The following USP34 variants were observed in gnomAD, a reference collection of about 807,000 sequenced individuals.
USP34 encodes ubiquitin carboxyl-terminal hydrolase 34.
A neutral mutation model predicts 460.3 loss-of-function variants in USP34; 70 were observed. That is an observed-to-expected ratio of 0.15 (90% CI 0.13 to 0.19). The LOEUF is 0.19. Among genes scored for constraint, USP34 ranks in the 10% least tolerant of loss-of-function variants. The pLI is 1.00. For missense variants in USP34, 3,985 were observed against 4,236.2 expected (o/e 0.94, Z 1.65); for synonymous variants, 1,647 against 1,405.3 (o/e 1.17, Z -3.85).
At chr2:61,205,302 T>C (rs895770027) in intron 72 of USP34, among the ~76,000 whole-genome samples, 2 of 152,200 alleles carry the variant, frequency 1.3e-5, no homozygotes, top group African/African-American at 4.8e-5. Flanking sequence ...ATTCTCAATC[T>C]CCAATCACAC....
intron 21 of USP34, among the ~76,000 whole-genome samples, chr2:61,323,276 C>T (rs905519968): frequency 3.9e-5 from 6 of 152,240 alleles, no homozygotes; most frequent in African/African-American, 1.2e-4. Flanking sequence ...CTTTGGGAGG[C>T]CGAGGCGGGC....
In USP34 at chr2:61,189,074, A is replaced by G; in HGVS notation, c.9874-5T>C. The G allele has an allele frequency of 6.2e-7, 1 of 1,608,450 alleles. No homozygotes were observed. The highest frequency in any genetic ancestry group is 8.5e-7 in the Non-Finnish European group (1 of 1,178,208). On this transcript the variant is annotated splice_polypyrimidine_tract_variant and splice_region_variant and intron_variant, in intron 78 of 79. Coordinates refer to ENST00000398571, the MANE Select transcript of USP34 (RefSeq NM_014709.4). Reference sequence around the variant, plus strand: ...CAAAGCGAGTGCCCTCAGGTCCTACAAAAACCCAGATAGGAACATTTCAAA... The same window carrying G: ...CAAAGCGAGTGCCCTCAGGTCCTACGAAAACCCAGATAGGAACATTTCAAA...
intron 1 of USP34, among the ~76,000 whole-genome samples, chr2:61,444,448 AAG>A (rs1695052682): frequency 6.6e-6 from 1 of 152,168 alleles, no homozygotes; most frequent in Non-Finnish European, 1.5e-5. Context: ...AAGAAAGCAA[AAG>A]AGAGAAGGAA....
chr2:61,302,994 C>T (rs1005507989), intron 27 of USP34, among the ~76,000 whole-genome samples: 2 of 152,148 alleles, frequency 1.3e-5, no homozygotes, highest in Admixed American at 6.5e-5. Flanking sequence ...CAGAGACATG[C>T]TATTTCAATT....
At chr2:61,302,506 A>C (rs115433106) in intron 27 of USP34, among the ~76,000 whole-genome samples, 2,357 of 152,316 alleles carry the variant, frequency 0.015, 20 homozygotes, top group Non-Finnish European at 0.022. Context: ...CATTATTTCT[A>C]GCCCTCAATC....
chr2:61,284,902 G>T lies in USP34; in HGVS notation c.4805C>A (p.Ala1602Asp). The change falls in exon 35 of 80, where the codon GCT (alanine) becomes GAT (aspartate). Residue 1602 changes from alanine to aspartate, a missense_variant. Around this residue, in one of 14 missense-constraint regions of USP34, gnomAD observed 1,114 missense variants for 1,122.5 expected, o/e 0.99. Coordinates refer to ENST00000398571, the MANE Select transcript of USP34 (RefSeq NM_014709.4). Reference sequence around the variant, plus strand: ...AGGAGCCAGATTATCATACGTATAAGCAACAGACATAAGTCGCTGAATCAA... The same window carrying T: ...AGGAGCCAGATTATCATACGTATAATCAACAGACATAAGTCGCTGAATCAA... ...TSLIQRLMSVAYTYDNLAPRV... is the reference protein window; with the variant it reads ...TSLIQRLMSVDYTYDNLAPRV... 6.2e-7 allele frequency: 1 copy of T among 1,610,944 alleles called. No homozygotes were observed. The highest frequency in any genetic ancestry group is 1.3e-5 in the African/African-American group (1 of 74,908).
intron 65 of USP34, chr2:61,221,932 A>C (rs1270617414): frequency 5.5e-6 from 1 of 182,136 alleles, no homozygotes; most frequent in Non-Finnish European, 1.1e-5. Flanking sequence ...ACATTGTAGA[A>C]TGGCGAAATC....
At position 61,348,833 on chromosome 2, in the gene USP34, C is replaced by T; in HGVS notation, c.1597G>A (p.Gly533Arg). 6.2e-7 allele frequency: 1 copy of T among 1,613,832 alleles called. No individual in the cohort carries two copies. The highest frequency in any genetic ancestry group is 8.5e-7 in the Non-Finnish European group (1 of 1,179,854). The change falls in exon 14 of 80, where the codon GGA becomes AGA. Residue 533 changes from glycine to arginine, a missense_variant. Physicochemically the swap from Gly to Arg is moderately radical, Grantham distance 125. Around this residue, in one of 14 missense-constraint regions of USP34, gnomAD observed 716 missense variants for 626.2 expected, o/e 1.14. Transcript: ENST00000398571. ...SSDNSDTHQS[G>R]GSDIEMDEQL... ...TCATCCATTTCAATGTCACTACCTCCACTTTGATGTGTATCGCTATTATCA... is the reference window on the plus strand; with the variant it reads ...TCATCCATTTCAATGTCACTACCTCTACTTTGATGTGTATCGCTATTATCA...
At position 61,206,993 on chromosome 2, in the gene USP34, G is replaced by C. The variant is rs1384049632; in HGVS notation, c.8920-107C>G. On this transcript the variant is annotated intron_variant, in intron 70 of 79. Transcript: ENST00000398571. ...ATAGATGTTTTCAGACTCAGACTGT[G>C]TGTGCACATGTGTGCAAAGCAAACG... The C allele has an allele frequency of 1.0e-5, 12 of 1,145,484 alleles. No homozygotes were observed. In the South Asian group the frequency reaches 1.9e-4, roughly 18 times the overall value. The allele number at this position is 1,145,484 out of a possible 1,614,324, so 71.0% of individuals were successfully genotyped here.
chr2:61,389,797 A>T (rs1693286372), intron 5 of USP34, among the ~76,000 whole-genome samples: 2 of 151,888 alleles, frequency 1.3e-5, no homozygotes, highest in African/African-American at 4.8e-5. Context: ...GCTTAGTGCT[A>T]ATGGAATTCT....
chr2:61,334,738 A>C (rs774278339), intron 18 of USP34, among the ~76,000 whole-genome samples: 1 of 152,144 alleles, frequency 6.6e-6, no homozygotes, highest in African/African-American at 2.4e-5. Flanking sequence ...GTGGTTATTG[A>C]CTGAGTTCAG....
intron 76 of USP34, 144 bp from the exon 77 acceptor site, chr2:61,190,802 C>T (rs1331226225): frequency 1.0e-6 from 1 of 1,002,882 alleles, no homozygotes; most frequent in East Asian, 2.6e-5. Context: ...CCATGTCTAA[C>T]TCACCTATTG....
chr2:61,211,781 G>A lies in USP34; in HGVS notation c.8831C>T (p.Thr2944Ile). The A allele has an allele frequency of 6.3e-7, 1 of 1,580,028 alleles. No homozygotes were observed. The change falls in exon 69 of 80, where the codon ACT becomes ATT. Residue 2944 changes from threonine to isoleucine, a missense_variant. Thr to Ile is a moderately conservative substitution (Grantham distance 89). Around this residue, in one of 14 missense-constraint regions of USP34, gnomAD observed 275 missense variants for 292.7 expected, o/e 0.94. Coordinates refer to ENST00000398571, the MANE Select transcript of USP34 (RefSeq NM_014709.4). ...AAAAACATCTTTTTACCTTATTAAA[G>A]TAGTCCAGCAGGAGCGGCCATCTAA... ...RCLDGRSCWT[T>I]LISAFRILLE...
intron 3 of USP34, among the ~76,000 whole-genome samples, chr2:61,402,367 T>C (rs1283742887): frequency 3.3e-5 from 5 of 152,112 alleles, no homozygotes; most frequent in Non-Finnish European, 7.4e-5. Context: ...CCTTTTAAAA[T>C]ATCAGCTTTG....
intron 18 of USP34, among the ~76,000 whole-genome samples, chr2:61,338,732 C>G (rs558702388): frequency 1.3e-5 from 2 of 152,024 alleles, no homozygotes; most frequent in Admixed American, 6.6e-5. Context: ...TCAACTGAGT[C>G]CCAATGAGAA....
At chr2:61,415,047 C>T (rs369200493) in intron 2 of USP34, among the ~76,000 whole-genome samples, 5 of 152,098 alleles carry the variant, frequency 3.3e-5, no homozygotes, top group Non-Finnish European at 5.9e-5. Context: ...GGTTGCAAAG[C>T]GGGGTAGCCT....
chr2:61,385,252 C>G (rs577018736), intron 5 of USP34, among the ~76,000 whole-genome samples: 2 of 152,126 alleles, frequency 1.3e-5, no homozygotes, highest in East Asian at 3.9e-4. Flanking sequence ...GAGACATTTG[C>G]CATATTTATT....
At chr2:61,410,537 T>A (rs908744455) in intron 2 of USP34, among the ~76,000 whole-genome samples, 13 of 152,240 alleles carry the variant, frequency 8.5e-5, no homozygotes, top group African/African-American at 3.1e-4. Flanking sequence ...GGACCCTTGC[T>A]GTACATTGCA....
chr2:61,342,460 G>T (rs182862071), intron 16 of USP34, among the ~76,000 whole-genome samples: 1 of 149,432 alleles, frequency 6.7e-6, no homozygotes, highest in Admixed American at 6.8e-5. Context: ...ACCACCATAC[G>T]CAGCTAATTT....
Sources: gnomAD v4.1 joint callset for allele counts (sites outside exome capture counted in the v4.1 genomes callset) on GRCh38, gnomAD v4.1.1 for gene constraint, gnomAD v4.1.1 regional missense constraint, MANE v1.5 for transcripts, NCBI Gene and HGNC (gene_info 2026-07-23, HGNC 2026-07-21) for gene names.